The following SLC16A13 variants were observed in gnomAD, a reference collection of about 807,000 sequenced individuals.
The protein encoded by SLC16A13 is solute carrier family 16 member 13.
Under a neutral mutation model 28.1 loss-of-function variants are expected in SLC16A13, and 28 were observed. The observed-to-expected ratio is 1.00, with a 90% CI of 0.74 to 1.37. The LOEUF (loss-of-function observed/expected upper bound fraction) is 1.37. SLC16A13 is among the 40% of genes most tolerant of loss of function. The probability of loss-of-function intolerance (pLI) is 0.00; values close to 1 mark genes in which losing one functional copy is unlikely to be tolerated. For missense variants in SLC16A13, 482 were observed against 531.8 expected (o/e 0.91, Z 0.92); for synonymous variants, 228 against 241.6 (o/e 0.94, Z 0.52).
At position 7,039,876 on chromosome 17, in the gene SLC16A13, A is replaced by G; in HGVS notation, c.1195A>G (p.Thr399Ala). The change falls in exon 4 of 4, where the codon ACT (threonine) becomes GCT (alanine). Residue 399 changes from threonine (T) to alanine (A), a missense_variant. Thr to Ala is a moderately conservative substitution (Grantham distance 58, BLOSUM62 0). Transcript: ENST00000308027. This position sits in a 1 kb window ranked among gnomAD's most constrained non-coding sequence, Gnocchi z 4.3. ...CCTGCCCCACTTCTTCTGCTTCTCAACTACTACCTCCGGGCCCCAGGACCT... is the reference window on the plus strand; with the variant it reads ...CCTGCCCCACTTCTTCTGCTTCTCAGCTACTACCTCCGGGCCCCAGGACCT... ...LTLPHFFCFS[T>A]TTSGPQDLVT... 2 of 1,614,032 alleles carry G rather than the reference A, an allele frequency of 1.2e-6. No homozygotes were observed. Among genetic ancestry groups the G allele is most frequent in the South Asian group, 1.1e-5 (1 of 91,058 alleles).
chr17:7,037,341 CA>C (rs57010713), intron 2 of SLC16A13, among the ~76,000 whole-genome samples: 12 of 42,000 alleles, frequency 2.9e-4, no homozygotes, highest in African/African-American at 6.4e-4. Flanking sequence ...GATTCTGTCT[CA>C]AAAAAAAAAA....
chr17:7,038,176 C>A lies in SLC16A13; in HGVS notation c.368C>A (p.Ala123Asp), dbSNP rs768820896. The A allele has an allele frequency of 8.1e-6, 13 of 1,613,566 alleles. No individual in the cohort carries two copies. In the South Asian group the frequency reaches 1.4e-4, roughly 18 times the overall value. The change falls in exon 3 of 4, where the codon GCT becomes GAT. Residue 123 changes from alanine to aspartate, a missense_variant. Physicochemically the swap from Ala to Asp is moderately radical, Grantham distance 126 (BLOSUM62 -2). Transcript: ENST00000308027. The surrounding 1 kb of genome is among the most constrained non-coding windows in gnomAD (Gnocchi z 5.7). ...LSGSGWALTF[A>D]PTLACLSCYF... ...GGCTCTGGCTGGGCTTTGACCTTCG[C>A]TCCGACCCTGGCCTGCCTGTCCTGT... is the stretch of plus-strand genomic sequence containing the variant.
chr17:7,037,472 A>G (rs1910614087), intron 2 of SLC16A13, among the ~76,000 whole-genome samples: 2 of 151,584 alleles, frequency 1.3e-5, no homozygotes, highest in Admixed American at 6.6e-5. Context: ...CACGCCTGTA[A>G]TCCCAGCACT....
chr17:7,038,248 G>C lies in SLC16A13; in HGVS notation c.440G>C (p.Gly147Ala). 1 of 1,614,162 alleles carries C rather than the reference G, an allele frequency of 6.2e-7. No homozygotes were observed. The highest frequency in any genetic ancestry group is 8.5e-7 in the Non-Finnish European group (1 of 1,180,034). ...CTGGCCACCGGGCTGGCACTGACAG[G>C]CGTGGGCCTCTCCTCCTTCACATTT... is the stretch of plus-strand genomic sequence containing the variant. ...RSLATGLALT[G>A]VGLSSFTFAP... The change falls in exon 3 of 4, where the codon GGC (glycine) becomes GCC (alanine). Residue 147 changes from glycine (G) to alanine (A), a missense_variant. By Grantham distance (60) the Gly-to-Ala change is moderately conservative. Transcript: ENST00000308027. The surrounding 1 kb of genome is among the most constrained non-coding windows in gnomAD (Gnocchi z 5.7).
intron 2 of SLC16A13, among the ~76,000 whole-genome samples, chr17:7,037,647 A>C (rs889753345): frequency 1.3e-5 from 2 of 151,208 alleles, no homozygotes; most frequent in Admixed American, 1.3e-4. Context: ...AATGGTGTGA[A>C]CCCGGGAAGC....
In SLC16A13 at chr17:7,039,053, G is replaced by T. The variant is rs554887476; in HGVS notation, c.1081+164G>T. The stretch of plus-strand genomic sequence containing the variant: ...CCCTGAAATGGGTCCATGGGGCAAA[G>T]AACTTGGGGCTGGGAAAGTCTGAGT... On this transcript the variant is annotated intron_variant, in intron 3 of 3. Coordinates refer to ENST00000308027, the MANE Select transcript of SLC16A13 (RefSeq NM_201566.3). This position sits in a 1 kb window ranked among gnomAD's most constrained non-coding sequence, Gnocchi z 4.3. 5.3e-5 allele frequency among the ~76,000 whole-genome samples: 8 copies of T among 152,310 alleles called. No individual in the cohort carries two copies. Among genetic ancestry groups the T allele is most frequent in the Middle Eastern group, 6.8e-3 (2 of 294 alleles).
At position 7,036,723 on chromosome 17, in the gene SLC16A13, T is replaced by G; in HGVS notation, c.200-4T>G. 6.2e-7 allele frequency: 1 copy of G among 1,612,168 alleles called. No homozygotes were observed. The highest frequency in any genetic ancestry group is 1.1e-5 in the South Asian group (1 of 91,088). ...TTCTCGCAGCGCCCCTTCCACTTCCTCAGGCCCGGTAGGCAGTGCCCTGAG... is the reference window on the plus strand; with the variant it reads ...TTCTCGCAGCGCCCCTTCCACTTCCGCAGGCCCGGTAGGCAGTGCCCTGAG... On this transcript the variant is annotated splice_polypyrimidine_tract_variant and splice_region_variant and intron_variant, in intron 1 of 3. Coordinates refer to ENST00000308027, the MANE Select transcript of SLC16A13 (RefSeq NM_201566.3).
At position 7,038,956 on chromosome 17, in the gene SLC16A13, C is replaced by A; in HGVS notation, c.1081+67C>A. The A allele has an allele frequency of 6.5e-7, 1 of 1,530,658 alleles. No individual in the cohort carries two copies. The highest frequency in any genetic ancestry group is 1.3e-5 in the South Asian group (1 of 78,302). 94.8% of individuals were successfully genotyped at this position (1,530,658 alleles called of 1,614,324 possible). The stretch of plus-strand genomic sequence containing the variant: ...TGCACAACTAGGGGAGGGTACTATT[C>A]TCATTACAGTGTATGTGAATATTGC... On this transcript the variant is annotated intron_variant, in intron 3 of 3. Coordinates refer to ENST00000308027, the MANE Select transcript of SLC16A13 (RefSeq NM_201566.3). The surrounding 1 kb of genome is among the most constrained non-coding windows in gnomAD (Gnocchi z 5.7).
chr17:7,036,681 G>T (rs768259300), intron 1 of SLC16A13, 46 bp from the exon 2 acceptor site: 14 of 1,607,514 alleles, frequency 8.7e-6, no homozygotes, highest in Non-Finnish European at 1.0e-5. Context: ...GATGCTGGGG[G>T]GGAGACCCCT....
rs375290290 is a variant in SLC16A13 at position 7,038,894 on chromosome 17, G to A, written c.1081+5G>A. On this transcript the variant is annotated splice_donor_5th_base_variant and intron_variant, in intron 3 of 3. Transcript: ENST00000308027. This position sits in a 1 kb window ranked among gnomAD's most constrained non-coding sequence, Gnocchi z 5.7. ...TGCTGGGGCCTCCTCTCTCAGGTAA[G>A]TGGAATGGGGTTCCCAGGGGGTGAG... 1.9e-6 allele frequency: 3 copies of A among 1,596,368 alleles called. No individual in the cohort carries two copies. Among genetic ancestry groups the A allele is most frequent in the Non-Finnish European group, 2.6e-6 (3 of 1,171,122 alleles).
Position 7,036,435 on chromosome 17 carries a change from T to C in SLC16A13, c.53T>C (p.Leu18Pro), listed in dbSNP as rs375105489. The C allele has an allele frequency of 1.2e-6, 2 of 1,612,118 alleles. No homozygotes were observed. The highest frequency in any genetic ancestry group is 1.3e-5 in the African/African-American group (1 of 74,864). Residue 18 changes from leucine to proline, a missense_variant, in exon 1 of 4, where the codon CTC becomes CCC. Leu to Pro is a moderately conservative substitution (Grantham distance 98). Transcript: ENST00000308027. ...GGGGGCTGGGGATGGGTGGTGGTGC[T>C]CTCAGCGTTCTTCCAGTCGGCGCTT... is the stretch of plus-strand genomic sequence containing the variant. ...PDGGWGWVVV[L>P]SAFFQSALVF...
rs573322630 is a variant in SLC16A13 at position 7,038,039 on chromosome 17, A to G, written c.344-113A>G. The G allele has an allele frequency of 6.4e-6, 8 of 1,259,286 alleles. No homozygotes were observed. In the South Asian group the frequency reaches 1.0e-4, roughly 16 times the overall value. 78.0% of individuals were successfully genotyped at this position (1,259,286 alleles called of 1,614,324 possible). On this transcript the variant is annotated intron_variant, in intron 2 of 3. Transcript: ENST00000308027. This position sits in a 1 kb window ranked among gnomAD's most constrained non-coding sequence, Gnocchi z 5.7. ...AGTATCCAAGCCAAGATTGTATCCC[A>G]GGTCTGTGGGACTCCGAAGCAAGTG...
intron 2 of SLC16A13, among the ~76,000 whole-genome samples, chr17:7,037,405 T>G (rs1481901943): frequency 7.8e-6 from 1 of 127,492 alleles, no homozygotes; most frequent in Non-Finnish European, 1.7e-5. Context: ...CTAATGGGAC[T>G]GGAGTGTAAA....
Position 7,039,994 on chromosome 17 carries a change from C to T in SLC16A13, c.*32C>T. 6.3e-7 allele frequency: 1 copy of T among 1,593,502 alleles called. No individual in the cohort carries two copies. Among genetic ancestry groups the T allele is most frequent in the South Asian group, 1.1e-5 (1 of 90,654 alleles). ...CAGAGTCAGGCCCAGAAAGCCAAAG[C>T]TTGACAGCTCCAGGTCTTCTCTTGC... On this transcript the variant is annotated 3_prime_UTR_variant, in exon 4 of 4. Coordinates refer to ENST00000308027, the MANE Select transcript of SLC16A13 (RefSeq NM_201566.3). The surrounding 1 kb of genome is among the most constrained non-coding windows in gnomAD (Gnocchi z 4.3).
chr17:7,037,619 G>A (rs542681279), intron 2 of SLC16A13, among the ~76,000 whole-genome samples: 1 of 151,996 alleles, frequency 6.6e-6, no homozygotes, highest in East Asian at 1.9e-4. Context: ...CCAGCTACTC[G>A]GGAGGCTGAG....
At position 7,038,061 on chromosome 17, in the gene SLC16A13, A is replaced by G; in HGVS notation, c.344-91A>G. The G allele has an allele frequency of 6.9e-7, 1 of 1,441,290 alleles. No individual in the cohort carries two copies. The highest frequency in any genetic ancestry group is 9.4e-7 in the Non-Finnish European group (1 of 1,068,656). 89.3% of individuals were successfully genotyped at this position (1,441,290 alleles called of 1,614,324 possible). ...CCCAGGTCTGTGGGACTCCGAAGCA[A>G]GTGCTACATTCTGCTGCTGGGCAAT... On this transcript the variant is annotated intron_variant, in intron 2 of 3. Transcript: ENST00000308027. This position sits in a 1 kb window ranked among gnomAD's most constrained non-coding sequence, Gnocchi z 5.7.
At chr17:7,037,044 T>C (rs1372923339) in intron 2 of SLC16A13, 174 bp downstream of exon 2, 2 of 845,326 alleles carry the variant, frequency 2.4e-6, no homozygotes, top group Non-Finnish European at 1.8e-6. Context: ...GGTGAGGAAT[T>C]AGGAAATTCA....
rs139556081 is a variant in SLC16A13 at position 7,037,081 on chromosome 17, G to GT, written c.343+212dup. On this transcript the variant is annotated intron_variant, in intron 2 of 3. Transcript: ENST00000308027. ...GGATGATGAAACCTGGCCGGGCACG[G>GT]TGGCTCACGCCTGTAATCCCAGCAC... 3,115 of 555,224 alleles carry GT rather than the reference G, an allele frequency of 5.6e-3. 38 individuals carry two copies. The highest frequency in any genetic ancestry group is 0.027 in the African/African-American group (1,417 of 52,426). 34.4% of individuals were successfully genotyped at this position (555,224 alleles called of 1,614,324 possible). A position where few individuals can be genotyped will look rare whatever the true frequency, so the allele number is the denominator to read the frequency against.
Position 7,039,639 on chromosome 17 carries a change from C to A in SLC16A13, c.1082-124C>A. 1.0e-6 allele frequency: 1 copy of A among 995,994 alleles called. No homozygotes were observed. The allele number at this position is 995,994 out of a possible 1,614,324, so 61.7% of individuals were successfully genotyped here. ...AACCAGAGTTCTTAAGTTTATCCAACTATTCCATGGGAGTTCCAACTCCTC... is the reference window on the plus strand; with the variant it reads ...AACCAGAGTTCTTAAGTTTATCCAAATATTCCATGGGAGTTCCAACTCCTC... On this transcript the variant is annotated intron_variant, in intron 3 of 3. Transcript: ENST00000308027. This position sits in a 1 kb window ranked among gnomAD's most constrained non-coding sequence, Gnocchi z 4.3.
Sources: gnomAD v4.1 joint callset for allele counts (sites outside exome capture counted in the v4.1 genomes callset) on GRCh38, gnomAD v4.1.1 for gene constraint, Gnocchi (gnomAD v3.1) non-coding constraint, MANE v1.5 for transcripts, NCBI Gene and HGNC (gene_info 2026-07-23, HGNC 2026-07-21) for gene names.